GLDN: variants seen among roughly 807,000 people sequenced by gnomAD.
GLDN encodes gliomedin.
Under a neutral mutation model 56.5 loss-of-function variants are expected in GLDN, and 47 were observed. The ratio of observed to expected loss-of-function variants is 0.83; its 90% CI spans 0.66 to 1.06. The LOEUF (loss-of-function observed/expected upper bound fraction) is 1.06. GLDN is among the 50% of genes least tolerant of loss of function. GLDN has a pLI of 0.00. For synonymous variants in GLDN, 332 were observed against 278.8 expected (o/e 1.19, Z -1.90); for missense variants, 782 against 714.3 (o/e 1.09, Z -1.08).
In GLDN at chr15:51,405,398, T is replaced by C. The variant is rs1342436666; in HGVS notation, c.*644T>C. 2 of 147,250 alleles carry C rather than the reference T, an allele frequency of 1.4e-5. No homozygotes were observed. The highest frequency in any genetic ancestry group is 2.6e-5 in the African/African-American group (1 of 39,180). 9.1% of individuals were successfully genotyped at this position (147,250 alleles called of 1,614,324 possible). Reference sequence around the variant, plus strand: ...TCAGGTTTTTTTTTTTTTTTTTTTTTCAATAAGCTATTTTTTTTCTTTTCT... The same window carrying C: ...TCAGGTTTTTTTTTTTTTTTTTTTTCCAATAAGCTATTTTTTTTCTTTTCT... On this transcript the variant is annotated 3_prime_UTR_variant, in exon 10 of 10. Coordinates refer to ENST00000335449, the MANE Select transcript of GLDN (RefSeq NM_181789.4).
chr15:51,388,997 T>C (rs1877297502), intron 4 of GLDN, among the ~76,000 whole-genome samples: 1 of 152,204 alleles, frequency 6.6e-6, no homozygotes, highest in Non-Finnish European at 1.5e-5. Context: ...AACCTGCCAG[T>C]CAGAGACAGT....
intron 1 of GLDN, among the ~76,000 whole-genome samples, chr15:51,353,734 A>AAAAAAAAAAAAAAAAAAAAAAAAAAAAC (rs60404846): frequency 1.6e-5 from 2 of 128,882 alleles, no homozygotes; most frequent in Non-Finnish European, 3.2e-5. Flanking sequence ...AAAAAAAAAA[A>AAAAAAAAAAAAAAAAAAAAAAAAAAAAC]CCACAGTCAA....
chr15:51,378,967 G>C (rs1011115044), intron 2 of GLDN, among the ~76,000 whole-genome samples: 2 of 152,092 alleles, frequency 1.3e-5, no homozygotes, highest in Non-Finnish European at 2.9e-5. Flanking sequence ...CCTGGGCTTG[G>C]GGACTGGGAA....
intron 1 of GLDN, among the ~76,000 whole-genome samples, chr15:51,350,784 C>A (rs1027369056): frequency 6.6e-6 from 1 of 152,136 alleles, no homozygotes; most frequent in Admixed American, 6.5e-5. Context: ...TCTCTAGGGA[C>A]ATATATAAGA....
intron 6 of GLDN, 82 bp downstream of exon 6, chr15:51,397,680 G>A: frequency 7.3e-7 from 1 of 1,368,568 alleles, no homozygotes. Context: ...TCTGTGACCA[G>A]ATTTGTTTTA....
At chr15:51,374,247 C>A (rs1435032685) in intron 1 of GLDN, among the ~76,000 whole-genome samples, 1 of 152,234 alleles carries the variant, frequency 6.6e-6, no homozygotes, top group Non-Finnish European at 1.5e-5. Flanking sequence ...TTGTTTCCAA[C>A]CACCCCTTCT....
chr15:51,357,337 C>T (rs945831838), intron 1 of GLDN, among the ~76,000 whole-genome samples: 30 of 152,224 alleles, frequency 2.0e-4, no homozygotes, highest in Admixed American at 1.0e-3. Flanking sequence ...TGAGAAAAAC[C>T]TTTGATCGGG....
At position 51,406,850 on chromosome 15, in the gene GLDN, CAA is replaced by C. The variant is rs992738951; in HGVS notation, c.*2098_*2099del. On this transcript the variant is annotated 3_prime_UTR_variant, in exon 10 of 10. Coordinates refer to ENST00000335449, the MANE Select transcript of GLDN (RefSeq NM_181789.4). ...CTCTTTTCAGATTCACGTTCTCTAA[CAA>C]AGAGTCTCATGTTCAAGATCAATAT... The C allele has an allele frequency of 1.1e-4, 17 of 152,174 alleles. No homozygotes were observed. The highest frequency in any genetic ancestry group is 3.9e-4 in the African/African-American group (16 of 41,442). The allele number at this position is 152,174 out of a possible 1,614,324, so 9.4% of individuals were successfully genotyped here.
chr15:51,368,902 G>C (rs1232949234), intron 1 of GLDN: 1 of 152,226 alleles, frequency 6.6e-6, no homozygotes, highest in African/African-American at 2.4e-5. Context: ...GTTTTGGGGG[G>C]CAGGGAATCA....
At chr15:51,401,220 T>C (rs1007438297) in intron 8 of GLDN, among the ~76,000 whole-genome samples, 2 of 152,206 alleles carry the variant, frequency 1.3e-5, no homozygotes, top group African/African-American at 4.8e-5. Context: ...TGCTGCACAG[T>C]GCAGGAAGAG....
rs541439218 is a variant in GLDN at position 51,387,347 on chromosome 15, C to G, written c.541+3455C>G. 1.8e-3 allele frequency among the ~76,000 whole-genome samples: 279 copies of G among 152,274 alleles called. 2 individuals are homozygous for G. Among genetic ancestry groups the G allele is most frequent in the Non-Finnish European group, 1.9e-3 (131 of 68,016 alleles). On this transcript the variant is annotated intron_variant, in intron 4 of 9. Coordinates refer to ENST00000335449, the MANE Select transcript of GLDN (RefSeq NM_181789.4). ...CAACATCCACAGTCAACAGCCATAT[C>G]CACCTACCATCTCAACATGAGATGT...
At chr15:51,397,408 C>G in intron 5 of GLDN, 62 bp from the exon 6 acceptor site, 10 of 709,602 alleles carry the variant, frequency 1.4e-5, no homozygotes, top group Admixed American at 1.4e-4. Flanking sequence ...CTCTGTCCCT[C>G]TCTCCCCTTC....
chr15:51,367,966 T>C (rs1161201694), intron 1 of GLDN, among the ~76,000 whole-genome samples: 2 of 152,154 alleles, frequency 1.3e-5, no homozygotes, highest in Admixed American at 1.3e-4. Context: ...AATCCTAGCA[T>C]CTCCAAGGTC....
intron 1 of GLDN, among the ~76,000 whole-genome samples, chr15:51,363,865 T>C (rs746142468): frequency 2.6e-5 from 4 of 152,234 alleles, no homozygotes; most frequent in Admixed American, 6.5e-5. Flanking sequence ...ATTTGGACTA[T>C]AGAATTCTAG....
In GLDN at chr15:51,343,935, T is replaced by G. The variant is rs538035903; in HGVS notation, c.363+1888T>G. On this transcript the variant is annotated intron_variant, in intron 1 of 9. Transcript: ENST00000335449. ...CCCCACCTCCTATGCCATTGGTGAG[T>G]TCGGTGCAGATGGTCCAGGCACCAC... is the stretch of plus-strand genomic sequence containing the variant. Among the ~76,000 whole-genome samples, 3 of 152,176 alleles carry G rather than the reference T, an allele frequency of 2.0e-5. No individual in the cohort carries two copies. In the East Asian group the frequency reaches 5.8e-4, roughly 29 times the overall value.
At chr15:51,378,358 C>T (rs1234928315) in intron 2 of GLDN, among the ~76,000 whole-genome samples, 2 of 152,248 alleles carry the variant, frequency 1.3e-5, no homozygotes, top group African/African-American at 4.8e-5. Context: ...ATCTTCAGAA[C>T]AGCTTGGTCC....
chr15:51,392,852 A>G (rs2038051343), intron 4 of GLDN, among the ~76,000 whole-genome samples: 1 of 152,162 alleles, frequency 6.6e-6, no homozygotes, highest in African/African-American at 2.4e-5. Context: ...GAGATTTTCT[A>G]CATAAACAAT....
At chr15:51,386,495 A>AGGCAGCAGGGCCACTGAG (rs2037896528) in intron 4 of GLDN, among the ~76,000 whole-genome samples, 1 of 152,192 alleles carries the variant, frequency 6.6e-6, no homozygotes, top group Admixed American at 6.5e-5. Flanking sequence ...GAGGGACCAG[A>AGGCAGCAGGGCCACTGAG]GGCAGCAGGG....
At chr15:51,352,187 G>A (rs2037089117) in intron 1 of GLDN, among the ~76,000 whole-genome samples, 1 of 152,026 alleles carries the variant, frequency 6.6e-6, no homozygotes, top group South Asian at 2.1e-4. Context: ...TTCATAGATG[G>A]CACCTTCTCA....
Sources: gnomAD v4.1 joint callset for allele counts (sites outside exome capture counted in the v4.1 genomes callset) on GRCh38, gnomAD v4.1.1 for gene constraint, MANE v1.5 for transcripts, NCBI Gene and HGNC (gene_info 2026-07-23, HGNC 2026-07-21) for gene names.